BTRC: variants seen among roughly 807,000 people sequenced by gnomAD.
BTRC encodes the protein beta-transducin repeat containing E3 ubiquitin protein ligase.
BTRC carries 42 observed loss-of-function variants against 85.5 expected under a neutral mutation model. That is an observed-to-expected ratio of 0.49 (90% CI 0.38 to 0.64). The LOEUF (loss-of-function observed/expected upper bound fraction) is 0.64, where lower values mean the gene tolerates loss of function less well. Among genes scored for constraint, BTRC ranks in the 30% least tolerant of loss-of-function variants. The pLI is 0.00. For missense variants in BTRC, 594 were observed against 743.5 expected (o/e 0.80, Z 2.34); for synonymous variants, 255 against 263.3 (o/e 0.97, Z 0.30).
At chr10:101,532,521 A>G in intron 8 of BTRC, 89 bp downstream of exon 8, 1 of 1,408,816 alleles carries the variant, frequency 7.1e-7, no homozygotes, top group Non-Finnish European at 9.4e-7. Flanking sequence ...TCTAAGCATT[A>G]TTTCTAGAAA....
At chr10:101,373,332 A>G (rs989773302) in intron 1 of BTRC, among the ~76,000 whole-genome samples, 3 of 152,234 alleles carry the variant, frequency 2.0e-5, no homozygotes, top group African/African-American at 4.8e-5. Context: ...CATTTAAAGT[A>G]TGTAATAGTC....
intron 1 of BTRC, among the ~76,000 whole-genome samples, chr10:101,370,366 G>A (rs1318339038): frequency 2.0e-5 from 3 of 151,302 alleles, no homozygotes; most frequent in African/African-American, 4.9e-5. Context: ...CTCTGGCCTC[G>A]GCCTCCCAAA....
intron 1 of BTRC, among the ~76,000 whole-genome samples, chr10:101,358,733 G>A (rs759460473): frequency 1.3e-5 from 2 of 152,138 alleles, no homozygotes; most frequent in Admixed American, 6.6e-5. Context: ...GTGGTGGCAA[G>A]GTTCTAAGAA....
At chr10:101,548,023 T>C (rs986450803) in intron 13 of BTRC, among the ~76,000 whole-genome samples, 5 of 152,054 alleles carry the variant, frequency 3.3e-5, no homozygotes, top group African/African-American at 1.2e-4. Flanking sequence ...TAAAGAAAAA[T>C]GCAAATTAAA....
chr10:101,469,035 A>T (rs189046735), intron 3 of BTRC, among the ~76,000 whole-genome samples: 1 of 152,218 alleles, frequency 6.6e-6, no homozygotes, highest in Non-Finnish European at 1.5e-5. Flanking sequence ...TCAGCAAGGC[A>T]TCTTACTAGT....
intron 5 of BTRC, among the ~76,000 whole-genome samples, chr10:101,523,614 C>A (rs1463759966): frequency 1.3e-5 from 2 of 152,106 alleles, no homozygotes; most frequent in Non-Finnish European, 2.9e-5. Flanking sequence ...TAGAACCCCA[C>A]CATTCAGAAA....
At chr10:101,548,797 G>C (rs967940294) in intron 13 of BTRC, among the ~76,000 whole-genome samples, 1 of 151,972 alleles carries the variant, frequency 6.6e-6, no homozygotes, top group Non-Finnish European at 1.5e-5. Flanking sequence ...GCTAAGGCCT[G>C]TAATCCCAAC....
At chr10:101,513,836 T>C (rs1395541980) in intron 4 of BTRC, among the ~76,000 whole-genome samples, 1 of 152,240 alleles carries the variant, frequency 6.6e-6, no homozygotes, top group African/African-American at 2.4e-5. Flanking sequence ...TGTTTAACTT[T>C]ACAAAAAACT....
intron 5 of BTRC, 149 bp from the exon 6 acceptor site, chr10:101,525,864 C>T: frequency 1.6e-6 from 1 of 644,136 alleles, no homozygotes; most frequent in Non-Finnish European, 2.5e-6. Context: ...TTACCCAAGC[C>T]TCTGTTTGAA....
At chr10:101,524,494 C>A (rs1023475735) in intron 5 of BTRC, among the ~76,000 whole-genome samples, 10 of 152,136 alleles carry the variant, frequency 6.6e-5, no homozygotes, top group Admixed American at 1.3e-4. Context: ...AACTTATAAA[C>A]CTATATACCA....
chr10:101,538,275 C>T lies in BTRC; in HGVS notation c.1578-18C>T, dbSNP rs1046737404. 3.1e-6 allele frequency: 5 copies of T among 1,608,560 alleles called. No homozygotes were observed. The East Asian group carries it at 1.1e-4, about 36-fold the overall frequency. ...ATTTGCTTTTAACTAACATTTTTGT[C>T]CCCTTTTTGATCTTTAGAAAAATTA... On this transcript the variant is annotated intron_variant, in intron 12 of 14. Transcript: ENST00000370187.
At chr10:101,381,292 G>A (rs1942922641) in intron 1 of BTRC, among the ~76,000 whole-genome samples, 1 of 152,176 alleles carries the variant, frequency 6.6e-6, no homozygotes, top group African/African-American at 2.4e-5. Flanking sequence ...CAGACAGGTT[G>A]TTACTTTTTC....
chr10:101,462,920 T>G (rs1430944314), intron 3 of BTRC, among the ~76,000 whole-genome samples: 1 of 151,904 alleles, frequency 6.6e-6, no homozygotes, highest in East Asian at 1.9e-4. Flanking sequence ...CAGGCTGGAG[T>G]GCAGTGGCGT....
At chr10:101,467,902 A>G (rs1945421835) in intron 3 of BTRC, among the ~76,000 whole-genome samples, 1 of 152,212 alleles carries the variant, frequency 6.6e-6, no homozygotes, top group African/African-American at 2.4e-5. Context: ...TAAATAGTCC[A>G]TGTAAAAGAT....
At chr10:101,394,956 C>T (rs1031680021) in intron 1 of BTRC, among the ~76,000 whole-genome samples, 1 of 152,194 alleles carries the variant, frequency 6.6e-6, no homozygotes, top group Non-Finnish European at 1.5e-5. Flanking sequence ...CATGCATGCA[C>T]AGATAATTCA....
At chr10:101,532,807 C>CGCGT (rs939272716) in intron 8 of BTRC, 145 bp from the exon 9 acceptor site, 73 of 661,266 alleles carry the variant, frequency 1.1e-4, no homozygotes, top group African/African-American at 5.4e-4. Flanking sequence ...TGCGCGCGCG[C>CGCGT]GCGCTTAGCT....
intron 4 of BTRC, among the ~76,000 whole-genome samples, chr10:101,486,287 C>T (rs780650069): frequency 1.8e-4 from 27 of 152,132 alleles, no homozygotes; most frequent in African/African-American, 2.4e-5. Flanking sequence ...GTAATAACGT[C>T]GGCAAGAGTC....
intron 12 of BTRC, among the ~76,000 whole-genome samples, chr10:101,537,470 G>A (rs2134432628): frequency 6.6e-6 from 1 of 152,312 alleles, no homozygotes; most frequent in East Asian, 1.9e-4. Flanking sequence ...AGAGGTTGCA[G>A]TGAGCCAAGA....
At chr10:101,521,083 C>T (rs1301429739) in intron 4 of BTRC, among the ~76,000 whole-genome samples, 1 of 152,054 alleles carries the variant, frequency 6.6e-6, no homozygotes, top group Admixed American at 6.6e-5. Flanking sequence ...GCCTGGGCAA[C>T]AAAAGAAGAC....
Sources: allele counts gnomAD v4.1 joint callset (sites outside exome capture counted in the v4.1 genomes callset), GRCh38; gene constraint gnomAD v4.1.1; transcripts MANE v1.5; gene names NCBI Gene and HGNC (gene_info 2026-07-23, HGNC 2026-07-21).